The following MNAT1 variants were observed in gnomAD, a reference collection of about 807,000 sequenced individuals.
MNAT1 encodes MNAT1 component of CDK activating kinase.
In MNAT1, 43 loss-of-function variants were observed where a neutral mutation model predicts 42.0. The ratio of observed to expected loss-of-function variants is 1.02; its 90% CI spans 0.80 to 1.32. MNAT1 has a LOEUF of 1.32. Among genes scored for constraint, MNAT1 ranks in the 40% most tolerant of loss-of-function variants. MNAT1 has a pLI of 0.00. For synonymous variants in MNAT1, 118 were observed against 120.0 expected (o/e 0.98, Z 0.11); for missense variants, 306 against 350.4 (o/e 0.87, Z 1.01).
chr14:60,953,729 T>G (rs1215171379), intron 7 of MNAT1, among the ~76,000 whole-genome samples: 1 of 152,178 alleles, frequency 6.6e-6, no homozygotes. Flanking sequence ...GCTTTACAAT[T>G]TACATTCTCA....
At chr14:60,911,942 T>A (rs1232522232) in intron 7 of MNAT1, among the ~76,000 whole-genome samples, 2 of 152,044 alleles carry the variant, frequency 1.3e-5, no homozygotes, top group Non-Finnish European at 2.9e-5. Context: ...CCCATTATTA[T>A]TGTGTGGGAG....
intron 6 of MNAT1, among the ~76,000 whole-genome samples, chr14:60,844,871 G>A (rs910361659): frequency 6.6e-6 from 1 of 151,820 alleles, no homozygotes; most frequent in African/African-American, 2.4e-5. Context: ...TGCTTTTTCT[G>A]TGTTTATTAA....
In MNAT1 at chr14:60,756,984, C is replaced by G. The variant is rs111479368; in HGVS notation, c.89+22033C>G. ...AAACCATTAGTGTATTTGACCTGGA[C>G]TAGAACTTGATTTTAAGATGTCATC... On this transcript the variant is annotated intron_variant, in intron 1 of 7. Transcript: ENST00000261245. Among the ~76,000 whole-genome samples, 190 of 152,232 alleles carry G rather than the reference C, an allele frequency of 1.2e-3. 1 individual carries two copies. Among genetic ancestry groups the G allele is most frequent in the African/African-American group, 4.4e-3 (181 of 41,546 alleles).
At chr14:60,838,253 AGC>A (rs1440210346) in intron 6 of MNAT1, among the ~76,000 whole-genome samples, 1 of 151,946 alleles carries the variant, frequency 6.6e-6, no homozygotes, top group Admixed American at 6.6e-5. Flanking sequence ...ACCCTGCCTC[AGC>A]CTCCTGAGTT....
chr14:60,810,769 T>G lies in MNAT1; in HGVS notation c.421-1218T>G, dbSNP rs115436053. The stretch of plus-strand genomic sequence containing the variant: ...AAGACTTGTTTTGTGACCTAACTTG[T>G]GACCTATCCTGTAGAAAGTTCTGTG... On this transcript the variant is annotated intron_variant, in intron 4 of 7. Transcript: ENST00000261245. Among the ~76,000 whole-genome samples the G allele has an allele frequency of 3.6e-3, 545 of 152,346 alleles. 7 individuals carry two copies. Among genetic ancestry groups the G allele is most frequent in the African/African-American group, 0.012 (519 of 41,584 alleles).
intron 1 of MNAT1, among the ~76,000 whole-genome samples, chr14:60,772,166 G>A (rs2031083831): frequency 6.6e-6 from 1 of 152,192 alleles, no homozygotes; most frequent in Admixed American, 6.5e-5. Flanking sequence ...GGAGGCTGAG[G>A]CAGGAGCATT....
At chr14:60,842,923 C>G (rs961409311) in intron 6 of MNAT1, among the ~76,000 whole-genome samples, 3 of 152,148 alleles carry the variant, frequency 2.0e-5, no homozygotes, top group Admixed American at 2.0e-4. Flanking sequence ...AGGAAAAGAT[C>G]AAAATTCGAA....
At chr14:60,804,590 A>G (rs1274452784) in intron 3 of MNAT1, among the ~76,000 whole-genome samples, 1 of 152,146 alleles carries the variant, frequency 6.6e-6, no homozygotes, top group Non-Finnish European at 1.5e-5. Context: ...CAGTGGTACT[A>G]TCATAGCTCG....
intron 7 of MNAT1, among the ~76,000 whole-genome samples, chr14:60,918,483 G>C (rs990999202): frequency 4.6e-5 from 7 of 151,254 alleles, no homozygotes; most frequent in Non-Finnish European, 7.4e-5. Flanking sequence ...GGTGGGATTA[G>C]AGGCATGAGC....
At chr14:60,758,763 T>C (rs2030472729) in intron 1 of MNAT1, among the ~76,000 whole-genome samples, 1 of 152,180 alleles carries the variant, frequency 6.6e-6, no homozygotes, top group Admixed American at 6.5e-5. Context: ...TTTGTACCCC[T>C]AGTTTGTCTG....
chr14:60,929,817 T>C (rs2035849306), intron 7 of MNAT1, among the ~76,000 whole-genome samples: 1 of 152,180 alleles, frequency 6.6e-6, no homozygotes, highest in Non-Finnish European at 1.5e-5. Flanking sequence ...TCCTGTCAAT[T>C]TATAATTAAA....
chr14:60,969,108 C>T lies in MNAT1; in HGVS notation c.*759C>T, dbSNP rs571246333. Reference sequence around the variant, plus strand: ...ATGTAAGCTCATTTTATGATGAATCCTTTGGAGACTGGAGAAGGTACATTT... The same window carrying T: ...ATGTAAGCTCATTTTATGATGAATCTTTTGGAGACTGGAGAAGGTACATTT... On this transcript the variant is annotated 3_prime_UTR_variant, in exon 8 of 8. Coordinates refer to ENST00000261245, the MANE Select transcript of MNAT1 (RefSeq NM_002431.4). 1 of 152,362 alleles carries T rather than the reference C, an allele frequency of 6.6e-6. No homozygotes were observed. Among genetic ancestry groups the T allele is most frequent in the East Asian group, 1.9e-4 (1 of 5,190 alleles). 9.4% of individuals were successfully genotyped at this position (152,362 alleles called of 1,614,324 possible). A position where few individuals can be genotyped will look rare whatever the true frequency, so the allele number is the denominator to read the frequency against.
At chr14:60,889,399 T>A (rs1048318367) in intron 7 of MNAT1, among the ~76,000 whole-genome samples, 3 of 152,162 alleles carry the variant, frequency 2.0e-5, no homozygotes, top group South Asian at 2.1e-4. Context: ...GCTAGCCATA[T>A]GTAGAAAGCT....
chr14:60,916,768 G>A (rs1379773948), intron 7 of MNAT1, among the ~76,000 whole-genome samples: 1 of 152,094 alleles, frequency 6.6e-6, no homozygotes, highest in Non-Finnish European at 1.5e-5. Context: ...ACTGGGCAAC[G>A]TGGTGAAACT....
intron 5 of MNAT1, among the ~76,000 whole-genome samples, chr14:60,813,455 A>G (rs2032618250): frequency 2.0e-5 from 3 of 152,176 alleles, no homozygotes; most frequent in Non-Finnish European, 4.4e-5. Context: ...TACTTCTCAC[A>G]TGTTGGCTCA....
intron 7 of MNAT1, among the ~76,000 whole-genome samples, chr14:60,959,379 T>C (rs2036547315): frequency 6.6e-6 from 1 of 152,190 alleles, no homozygotes. Context: ...CTGATACTGA[T>C]AGCCCCCATC....
At chr14:60,780,841 A>G (rs2031433656) in intron 1 of MNAT1, among the ~76,000 whole-genome samples, 1 of 151,812 alleles carries the variant, frequency 6.6e-6, no homozygotes. Flanking sequence ...TTTTTTTGTC[A>G]ACATTGTGAT....
chr14:60,867,626 T>C (rs1191708082), intron 6 of MNAT1, among the ~76,000 whole-genome samples: 1 of 152,136 alleles, frequency 6.6e-6, no homozygotes, highest in Non-Finnish European at 1.5e-5. Flanking sequence ...GGAAATTTTA[T>C]GTATTTTTAT....
Position 60,745,779 on chromosome 14 carries a change from C to A in MNAT1, c.89+10828C>A, listed in dbSNP as rs149976716. Among the ~76,000 whole-genome samples, 260 of 152,214 alleles carry A rather than the reference C, an allele frequency of 1.7e-3. 1 individual carries two copies. The highest frequency in any genetic ancestry group is 5.5e-3 in the African/African-American group (230 of 41,524). ...ATTGGCAGTACCCTGTTAACATTTT[C>A]TTTTTTGTTGTATAGTTCTGATTAC... On this transcript the variant is annotated intron_variant, in intron 1 of 7. Coordinates refer to ENST00000261245, the MANE Select transcript of MNAT1 (RefSeq NM_002431.4).
Sources: allele counts gnomAD v4.1 joint callset (sites outside exome capture counted in the v4.1 genomes callset), GRCh38; gene constraint gnomAD v4.1.1; transcripts MANE v1.5; gene names NCBI Gene and HGNC (gene_info 2026-07-23, HGNC 2026-07-21).